Variants in RIPOR2 observed in about 807,000 individuals in gnomAD.
The protein encoded by RIPOR2 is RHO family interacting cell polarization regulator 2.
Under a neutral mutation model 114.5 loss-of-function variants are expected in RIPOR2, and 39 were observed. The observed-to-expected ratio is 0.34, with a 90% CI of 0.26 to 0.44. The LOEUF (loss-of-function observed/expected upper bound fraction) is 0.44, where lower values mean the gene tolerates loss of function less well. RIPOR2 is among the 20% of genes least tolerant of loss of function. The probability of loss-of-function intolerance (pLI) is 1.00; values close to 1 mark genes in which losing one functional copy is unlikely to be tolerated. For synonymous variants in RIPOR2, 445 were observed against 484.4 expected (o/e 0.92, Z 1.07); for missense variants, 1,007 against 1,255.1 (o/e 0.80, Z 2.99).
intron 1 of RIPOR2, among the ~76,000 whole-genome samples, chr6:25,019,774 C>CAAAAAAAAAA (rs34107737): frequency 7.7e-4 from 41 of 53,052 alleles, no homozygotes; most frequent in African/African-American, 1.4e-3. Flanking sequence ...GACTCTGTCT[C>CAAAAAAAAAA]AAAAAAAAAA....
rs1490728610 is a variant in RIPOR2 at position 25,040,519 on chromosome 6, A to G, written c.76+1332T>C. ...CGTTGCCTCAGAACATTGGTATTACATATTTAAAATTCAAAGAATAAACTG... is the reference window on the plus strand; with the variant it reads ...CGTTGCCTCAGAACATTGGTATTACGTATTTAAAATTCAAAGAATAAACTG... On this transcript the variant is annotated intron_variant, in intron 1 of 13. Coordinates refer to the RIPOR2 transcript ENST00000510784. Among the ~76,000 whole-genome samples the G allele has an allele frequency of 3.3e-5, 5 of 151,962 alleles. No individual in the cohort carries two copies. The South Asian group carries it at 1.0e-3, about 32-fold the overall frequency.
chr6:24,942,131 A>G (rs552642967), intron 1 of RIPOR2, among the ~76,000 whole-genome samples: 2 of 152,194 alleles, frequency 1.3e-5, no homozygotes, highest in Non-Finnish European at 2.9e-5. Context: ...GATAGCACAT[A>G]AGTCACTGGG....
intron 1 of RIPOR2, among the ~76,000 whole-genome samples, chr6:25,011,761 G>T (rs1775783053): frequency 6.6e-6 from 1 of 152,174 alleles, no homozygotes; most frequent in African/African-American, 2.4e-5. Context: ...AAATGTCAAA[G>T]CTAAAACTAT....
intron 6 of RIPOR2, among the ~76,000 whole-genome samples, chr6:24,868,232 C>G (rs774614100): frequency 6.6e-6 from 1 of 152,158 alleles, no homozygotes; most frequent in Non-Finnish European, 1.5e-5. Flanking sequence ...TAGATCAAAT[C>G]TGTGTACCTC....
At chr6:24,996,284 G>A (rs1340785458) in intron 1 of RIPOR2, among the ~76,000 whole-genome samples, 1 of 152,088 alleles carries the variant, frequency 6.6e-6, no homozygotes, top group African/African-American at 2.4e-5. Flanking sequence ...GAAAATCTAC[G>A]ATAAACAAAA....
At chr6:24,853,501 C>T (rs1763161249) in intron 8 of RIPOR2, among the ~76,000 whole-genome samples, 1 of 152,206 alleles carries the variant, frequency 6.6e-6, no homozygotes, top group East Asian at 1.9e-4. Flanking sequence ...TTATGGATAC[C>T]CATGATATAG....
intron 1 of RIPOR2, chr6:24,911,308 G>T (rs1375982025): frequency 6.6e-6 from 1 of 152,402 alleles, no homozygotes; most frequent in East Asian, 1.9e-4. Flanking sequence ...CGGCAGCTTT[G>T]GAGTGACCCG....
At chr6:24,905,687 T>A (rs1434668641) in intron 1 of RIPOR2, among the ~76,000 whole-genome samples, 1 of 152,226 alleles carries the variant, frequency 6.6e-6, no homozygotes, top group Admixed American at 6.5e-5. Flanking sequence ...GGAATTGACC[T>A]CTTGGGAGTT....
chr6:25,027,379 TC>T (rs1776678892), intron 1 of RIPOR2, among the ~76,000 whole-genome samples: 2 of 151,990 alleles, frequency 1.3e-5, no homozygotes, highest in Admixed American at 1.3e-4. Context: ...TACAAACCCA[TC>T]CCCAGGCTGC....
chr6:24,917,498 A>G (rs749546332), intron 1 of RIPOR2, among the ~76,000 whole-genome samples: 7 of 152,226 alleles, frequency 4.6e-5, no homozygotes, highest in Non-Finnish European at 1.0e-4. Context: ...TGTAAGCACA[A>G]TGCTAAGTAC....
At chr6:24,847,553 G>C (rs950291747) in intron 12 of RIPOR2, 2 of 1,551,458 alleles carry the variant, frequency 1.3e-6, no homozygotes, top group African/African-American at 2.7e-5. Context: ...TAGAGCTCTA[G>C]CACGGCCTTG....
intron 12 of RIPOR2, chr6:24,847,721 TAGTG>T: frequency 1.3e-6 from 2 of 1,535,782 alleles, no homozygotes; most frequent in Non-Finnish European, 1.8e-6. Context: ...ATGGGGGAGT[TAGTG>T]GGAAGAATCA....
Position 24,842,932 on chromosome 6 carries a change from G to T in RIPOR2, c.1787C>A (p.Pro596Gln). 2 of 1,513,716 alleles carry T rather than the reference G, an allele frequency of 1.3e-6. No homozygotes were observed. Among genetic ancestry groups the T allele is most frequent in the Non-Finnish European group, 1.8e-6 (2 of 1,131,596 alleles). 93.8% of individuals were successfully genotyped at this position (1,513,716 alleles called of 1,614,324 possible). A position where few individuals can be genotyped will look rare whatever the true frequency, so the allele number is the denominator to read the frequency against. The change falls in exon 13 of 22, where the codon CCA becomes CAA. Residue 596 changes from proline to glutamine, a missense_variant. Pro to Gln is a moderately conservative substitution (Grantham distance 76, BLOSUM62 -1). Coordinates refer to ENST00000643898, the MANE Select transcript of RIPOR2 (RefSeq NM_001286445.3). The part of the protein sequence containing the change: ...AFNGLLLALE[P>Q]HKEQYKEFQD... ...AAACTCTTTATACTGCTCTTTATGT[G>T]GTTCTAATGCAAGTAAAAGCCCATT...
At chr6:24,821,230 T>A (rs1412839460) in intron 19 of RIPOR2, among the ~76,000 whole-genome samples, 4 of 145,298 alleles carry the variant, frequency 2.8e-5, no homozygotes, top group Admixed American at 1.4e-4. Flanking sequence ...TTGCCCAGGC[T>A]GGAGTGCAAT....
At chr6:24,872,339 G>A (rs1765259970) in intron 4 of RIPOR2, among the ~76,000 whole-genome samples, 1 of 152,004 alleles carries the variant, frequency 6.6e-6, no homozygotes, top group African/African-American at 2.4e-5. Flanking sequence ...TTAAAAATTG[G>A]AGTAAAAGTT....
rs1452013025 is a variant in RIPOR2 at position 24,927,313 on chromosome 6, A to G, written c.61+8525T>C. Among the ~76,000 whole-genome samples, 11 of 124,062 alleles carry G rather than the reference A, an allele frequency of 8.9e-5. 1 individual carries two copies. The highest frequency in any genetic ancestry group is 5.0e-4 in the East Asian group (2 of 4,034). 81.4% of individuals were successfully genotyped at this position (124,062 alleles called of 152,430 possible). ...CACCACCACCACCACCACAACTACA[A>G]TCACTACCACCATCACCACCACCAC... On this transcript the variant is annotated intron_variant, in intron 1 of 21. Transcript: ENST00000643898.
At chr6:25,035,260 A>G (rs1319677712) in intron 1 of RIPOR2, among the ~76,000 whole-genome samples, 2 of 152,172 alleles carry the variant, frequency 1.3e-5, no homozygotes, top group Non-Finnish European at 2.9e-5. Context: ...GTGACCTATG[A>G]ATTATACAGA....
At chr6:24,912,534 C>T (rs1350973487) in intron 1 of RIPOR2, among the ~76,000 whole-genome samples, 1 of 151,798 alleles carries the variant, frequency 6.6e-6, no homozygotes, top group East Asian at 1.9e-4. Context: ...ATGCCTACAC[C>T]TTCCACCTTG....
intron 1 of RIPOR2, 151 bp downstream of exon 1, chr6:24,935,687 T>C (rs867986228): frequency 4.9e-6 from 3 of 607,682 alleles, no homozygotes; most frequent in South Asian, 3.9e-5. Flanking sequence ...AGTGCCTAAG[T>C]TGATATTTGC....
Sources: gnomAD v4.1 joint callset for allele counts (sites outside exome capture counted in the v4.1 genomes callset) on GRCh38, gnomAD v4.1.1 for gene constraint, MANE v1.5 for transcripts, NCBI Gene and HGNC (gene_info 2026-07-23, HGNC 2026-07-21) for gene names.